Variants in YTHDC2 observed in about 807,000 individuals in gnomAD.
YTHDC2 encodes 3'-5' RNA helicase YTHDC2.
In YTHDC2, 45 loss-of-function variants were observed where a neutral mutation model predicts 174.9. The observed-to-expected ratio is 0.26, with a 90% CI of 0.20 to 0.33. YTHDC2 has a LOEUF of 0.33. YTHDC2 is among the 10% of genes least tolerant of loss of function. YTHDC2 has a pLI of 1.00. For missense variants in YTHDC2, 1,650 were observed against 1,723.7 expected, an observed-to-expected ratio of 0.96 and a Z score of 0.76; for synonymous variants, 657 against 574.5, an observed-to-expected ratio of 1.14 and a Z score of -2.05.
chr5:113,514,798 A>G (rs1189348657), intron 1 of YTHDC2, among the ~76,000 whole-genome samples: 2 of 152,268 alleles, frequency 1.3e-5, no homozygotes, highest in Admixed American at 6.5e-5. Context: ...TCCCTCTGAA[A>G]TAGTGAAATA....
At position 113,587,554 on chromosome 5, in the gene YTHDC2, A is replaced by T. The variant is rs946425027; in HGVS notation, c.3825+3075A>T. ...GTATTTATATATTAATATATTGTAC[A>T]TACATAATATATAGTATATTTATAT... On this transcript the variant is annotated intron_variant, in intron 26 of 29. Transcript: ENST00000161863. Among the ~76,000 whole-genome samples the T allele has an allele frequency of 1.4e-5, 2 of 141,642 alleles. 1 individual carries two copies. The highest frequency in any genetic ancestry group is 5.2e-5 in the African/African-American group (2 of 38,314). 92.9% of individuals were successfully genotyped at this position (141,642 alleles called of 152,430 possible).
chr5:113,567,427 T>TATATATAG (rs138503872), intron 22 of YTHDC2, 130 bp downstream of exon 22: 1 of 372,290 alleles, frequency 2.7e-6, no homozygotes, highest in African/African-American at 2.5e-5. Context: ...TATATATATA[T>TATATATAG]CATTAAATAT....
intron 7 of YTHDC2, among the ~76,000 whole-genome samples, chr5:113,536,611 C>T (rs1203454715): frequency 6.6e-6 from 1 of 152,142 alleles, no homozygotes; most frequent in Non-Finnish European, 1.5e-5. Flanking sequence ...TTCACAATTG[C>T]CCCTATCCTT....
chr5:113,577,013 C>T (rs1178858323), intron 23 of YTHDC2, among the ~76,000 whole-genome samples: 1 of 151,994 alleles, frequency 6.6e-6, no homozygotes, highest in Non-Finnish European at 1.5e-5. Flanking sequence ...TTGATTCTGG[C>T]CTAAAACAAA....
At chr5:113,531,070 G>C (rs1774622561) in intron 4 of YTHDC2, among the ~76,000 whole-genome samples, 1 of 152,178 alleles carries the variant, frequency 6.6e-6, no homozygotes, top group African/African-American at 2.4e-5. Context: ...TCCTTTGTAG[G>C]TAAGGGTTTT....
intron 10 of YTHDC2, among the ~76,000 whole-genome samples, chr5:113,544,877 A>T (rs1470330615): frequency 6.6e-6 from 1 of 150,886 alleles, no homozygotes; most frequent in Non-Finnish European, 1.5e-5. Flanking sequence ...AAAACCTTCT[A>T]CTCTTTACTG....
chr5:113,536,190 T>C (rs556669896), intron 7 of YTHDC2, among the ~76,000 whole-genome samples: 2 of 152,208 alleles, frequency 1.3e-5, no homozygotes, highest in African/African-American at 4.8e-5. Flanking sequence ...AAACGGATTT[T>C]GCCACCAGTC....
chr5:113,558,066 T>C lies in YTHDC2; in HGVS notation c.2216+1932T>C, dbSNP rs1776731650. ...TTTCCAGAGTTGTTAAGAATGAATC[T>C]GAGACAATTGTGAATAAAGGGGGAG... On this transcript the variant is annotated intron_variant, in intron 17 of 29. Transcript: ENST00000161863. 2.0e-5 allele frequency among the ~76,000 whole-genome samples: 3 copies of C among 152,042 alleles called. No individual in the cohort carries two copies. In the South Asian group the frequency reaches 6.2e-4, roughly 31 times the overall value.
At chr5:113,521,940 A>C (rs188719576) in intron 2 of YTHDC2, among the ~76,000 whole-genome samples, 12 of 151,998 alleles carry the variant, frequency 7.9e-5, no homozygotes, top group Non-Finnish European at 1.2e-4. Context: ...TTGGTTTATT[A>C]GTTTTTAGGT....
Position 113,513,733 on chromosome 5 carries a change from C to G in YTHDC2, c.-163C>G, listed in dbSNP as rs1358142566. On this transcript the variant is annotated 5_prime_UTR_variant, in exon 1 of 30. Coordinates refer to ENST00000161863, the MANE Select transcript of YTHDC2 (RefSeq NM_022828.5). ...CGTGATATCAATGGCGCAGGCTTCA[C>G]TTCTGCTGTGGCGGTGACTGAGGCC... The G allele has an allele frequency of 1.4e-6, 1 of 733,698 alleles. No homozygotes were observed. The highest frequency in any genetic ancestry group is 2.1e-6 in the Non-Finnish European group (1 of 479,636). 45.4% of individuals were successfully genotyped at this position (733,698 alleles called of 1,614,324 possible).
At chr5:113,542,605 A>C in intron 10 of YTHDC2, 102 bp downstream of exon 10, 1 of 1,068,760 alleles carries the variant, frequency 9.4e-7, no homozygotes, top group South Asian at 2.0e-5. Flanking sequence ...CACAACCAAA[A>C]ATTTTATTTT....
chr5:113,592,325 A>G, intron 28 of YTHDC2, 147 bp downstream of exon 28: 1 of 710,536 alleles, frequency 1.4e-6, no homozygotes, highest in South Asian at 2.9e-5. Flanking sequence ...GTAAAAAGAT[A>G]GTAAAAACCT....
Position 113,581,699 on chromosome 5 carries a change from A to T in YTHDC2, c.3637A>T (p.Thr1213Ser), listed in dbSNP as rs751043696. 1 of 1,539,232 alleles carries T rather than the reference A, an allele frequency of 6.5e-7. No homozygotes were observed. Among genetic ancestry groups the T allele is most frequent in the African/African-American group, 1.4e-5 (1 of 72,158 alleles). The stretch of plus-strand genomic sequence containing the variant: ...TACTGAATTTTCTGATGAGTGTACT[A>T]CTGCAGAAAGGTAAATTTATGACAT... ...ADTEFSDECT[T>S]AERVLMKSPS... Residue 1213 changes from threonine (T) to serine (S), a missense_variant, in exon 25 of 30, where the codon ACT (threonine) becomes TCT (serine). By Grantham distance (58) the Thr-to-Ser change is moderately conservative (BLOSUM62 1). Coordinates refer to ENST00000161863, the MANE Select transcript of YTHDC2 (RefSeq NM_022828.5).
chr5:113,573,034 A>G (rs1217229423), intron 23 of YTHDC2, among the ~76,000 whole-genome samples: 1 of 151,982 alleles, frequency 6.6e-6, no homozygotes, highest in African/African-American at 2.4e-5. Context: ...TATTTTGCAG[A>G]CTTGTTTATG....
intron 8 of YTHDC2, 68 bp from the exon 9 acceptor site, chr5:113,540,900 A>T: frequency 6.8e-7 from 1 of 1,463,464 alleles, no homozygotes; most frequent in Non-Finnish European, 9.2e-7. Context: ...TAATTTATTT[A>T]AACAAAGGAA....
rs148910936 is a variant in YTHDC2 at position 113,567,203 on chromosome 5, A to G, written c.2954A>G (p.His985Arg). The G allele has an allele frequency of 2.5e-6, 4 of 1,613,786 alleles. No homozygotes were observed. Among genetic ancestry groups the G allele is most frequent in the Admixed American group, 1.7e-5 (1 of 59,942 alleles). Reference protein sequence around the residue: ...LVAGMYPNLVHVDRENLVLTG... With the variant: ...LVAGMYPNLVRVDRENLVLTG... Reference sequence around the variant, plus strand: ...GCAGGCATGTATCCTAATTTAGTCCACGTGGACAGAGAGAATCTAGTGTTG... The same window carrying G: ...GCAGGCATGTATCCTAATTTAGTCCGCGTGGACAGAGAGAATCTAGTGTTG... The change falls in exon 22 of 30, where the codon CAC (histidine) becomes CGC (arginine). Residue 985 changes from histidine to arginine, a missense_variant. His to Arg is a conservative substitution (Grantham distance 29, BLOSUM62 0). This residue lies in a region of YTHDC2 where 913 missense variants were observed against 940.4 expected (regional missense o/e 0.97). Coordinates refer to ENST00000161863, the MANE Select transcript of YTHDC2 (RefSeq NM_022828.5).
intron 6 of YTHDC2, 99 bp from the exon 7 acceptor site, chr5:113,535,543 A>G: frequency 8.5e-7 from 1 of 1,174,490 alleles, no homozygotes; most frequent in Non-Finnish European, 1.2e-6. Flanking sequence ...TCCACATTTA[A>G]TTTGAATTAG....
At chr5:113,586,427 T>C (rs1778683254) in intron 26 of YTHDC2, among the ~76,000 whole-genome samples, 1 of 152,002 alleles carries the variant, frequency 6.6e-6, no homozygotes, top group South Asian at 2.1e-4. Flanking sequence ...AATTATTATA[T>C]GTTTTGCATA....
rs775580081 is a variant in YTHDC2 at position 113,553,331 on chromosome 5, A to T, written c.1839A>T (p.Leu613=). 6.2e-7 allele frequency: 1 copy of T among 1,606,520 alleles called. No homozygotes were observed. Among genetic ancestry groups the T allele is most frequent in the East Asian group, 2.2e-5 (1 of 44,754 alleles). Residue 613 remains leucine, a synonymous_variant, in exon 13 of 30, where the codon CTA becomes CTT. Transcript: ENST00000161863. The part of the protein sequence containing the change: ...KVDLDLIMHL[L]YNICHSCDAG... Reference sequence around the variant, plus strand: ...ACTTGGATTTGATCATGCATCTTCTATACAATATCTGCCATAGTTGTGATG... The same window carrying T: ...ACTTGGATTTGATCATGCATCTTCTTTACAATATCTGCCATAGTTGTGATG...
Sources: gnomAD v4.1 joint callset for allele counts (sites outside exome capture counted in the v4.1 genomes callset) on GRCh38, gnomAD v4.1.1 for gene constraint, gnomAD v4.1.1 regional missense constraint, MANE v1.5 for transcripts, NCBI Gene and HGNC (gene_info 2026-07-23, HGNC 2026-07-21) for gene names.